Variants in PCDH11X observed in about 807,000 individuals in gnomAD.
PCDH11X encodes the protein protocadherin-11 X-linked.
Under a neutral mutation model 53.3 loss-of-function variants are expected in PCDH11X, and 18 were observed. That is an observed-to-expected ratio of 0.34 (90% CI 0.23 to 0.50). The LOEUF is 0.50. Among genes scored for constraint, PCDH11X ranks in the 20% least tolerant of loss-of-function variants. PCDH11X has a pLI of 0.98. For synonymous variants in PCDH11X, 279 were observed against 393.3 expected (o/e 0.71, Z 3.44); for missense variants, 570 against 1,032.4 (o/e 0.55, Z 6.14).
rs180844434 is a variant in PCDH11X, at chrX:91,942,776, A to C, written c.3033+63503A>C. ...AATCCAAAAGAAAAAAAGAAAACTA[A>C]AGATCAACATCCTTAATGAATATAG... On this transcript the variant is annotated intron_variant, in intron 6 of 10. Transcript: ENST00000682573. 6.5e-3 allele frequency among the ~76,000 whole-genome samples: 726 copies of C among 111,231 alleles called. 5 individuals carry two copies. Among genetic ancestry groups the C allele is most frequent in the African/African-American group, 0.023 (700 of 30,801 alleles).
intron 6 of PCDH11X, among the ~76,000 whole-genome samples, chrX:91,898,863 T>C (rs1315064135): frequency 9.1e-6 from 1 of 110,225 alleles, no homozygotes; most frequent in Non-Finnish European, 1.9e-5. Flanking sequence ...CTATCTAATA[T>C]ATCTACTGTG....
chrX:92,183,775 G>A (rs1020163476), intron 6 of PCDH11X, among the ~76,000 whole-genome samples: 1 of 111,896 alleles, frequency 8.9e-6, no homozygotes, highest in Admixed American at 9.5e-5. Context: ...CAGCAAACAA[G>A]CCCTTATGTC....
At chrX:92,301,186 T>C (rs752896795) in intron 8 of PCDH11X, among the ~76,000 whole-genome samples, 1 of 110,906 alleles carries the variant, frequency 9.0e-6, no homozygotes, top group East Asian at 2.9e-4. Flanking sequence ...GGTCTTCCTG[T>C]GCAGGAGCTA....
intron 7 of PCDH11X, among the ~76,000 whole-genome samples, chrX:92,226,925 GT>G (rs777302631): frequency 2.7e-5 from 3 of 111,806 alleles, no homozygotes; most frequent in Non-Finnish European, 5.6e-5. Flanking sequence ...TGTTTACTTG[GT>G]TTGTTTTTTA....
intron 6 of PCDH11X, among the ~76,000 whole-genome samples, chrX:91,994,669 G>T (rs2062380941): frequency 9.1e-6 from 1 of 109,417 alleles, no homozygotes; most frequent in Non-Finnish European, 1.9e-5. Context: ...CCCAGAAGTG[G>T]GATGGCTGAA....
intron 6 of PCDH11X, among the ~76,000 whole-genome samples, chrX:91,934,855 T>C (rs5984134): frequency 0.035 from 3,720 of 104,832 alleles, 166 homozygotes; most frequent in African/African-American, 0.12. Flanking sequence ...AGCTTGAGTT[T>C]TGTCTTTTCC....
At chrX:92,355,417 CAAAAAAAAAAA>C (rs57339128) in intron 8 of PCDH11X, among the ~76,000 whole-genome samples, 4 of 23,589 alleles carry the variant, frequency 1.7e-4, no homozygotes, top group Middle Eastern at 0.04. Flanking sequence ...GACTCCGTCT[CAAAAAAAAAAA>C]AAAAAAAAAA....
At chrX:91,933,552 G>T (rs2147843531) in intron 6 of PCDH11X, among the ~76,000 whole-genome samples, 1 of 111,113 alleles carries the variant, frequency 9.0e-6, no homozygotes, top group African/African-American at 3.3e-5. Flanking sequence ...GAATTTTAAA[G>T]AAAATTTATT....
At chrX:91,869,047 T>G (rs1470292687) in intron 5 of PCDH11X, among the ~76,000 whole-genome samples, 2 of 111,619 alleles carry the variant, frequency 1.8e-5, no homozygotes, top group Non-Finnish European at 3.8e-5. Flanking sequence ...CACTCAATAT[T>G]TATTCATATT....
intron 6 of PCDH11X, among the ~76,000 whole-genome samples, chrX:91,956,768 G>A (rs1397676812): frequency 9.2e-6 from 1 of 108,372 alleles, no homozygotes; most frequent in East Asian, 2.9e-4. Flanking sequence ...TTTTACTGGG[G>A]TTCTCTGGAT....
chrX:92,213,263 G>C lies in PCDH11X; in HGVS notation c.3114+11808G>C, dbSNP rs776881455. On this transcript the variant is annotated intron_variant, in intron 7 of 10. Transcript: ENST00000682573. ...CATTGTCATTGACCTTTAGCCGTTT[G>C]AGTACTTTGCTTTTAATCATTAGTA... is the stretch of plus-strand genomic sequence containing the variant. Among the ~76,000 whole-genome samples, 6 of 112,001 alleles carry C rather than the reference G, an allele frequency of 5.4e-5. No homozygotes were observed. The South Asian group carries it at 2.2e-3, about 42-fold the overall frequency.
At chrX:92,352,876 C>T (rs1051793593) in intron 8 of PCDH11X, among the ~76,000 whole-genome samples, 10 of 110,484 alleles carry the variant, frequency 9.1e-5, no homozygotes, top group African/African-American at 3.3e-4. Flanking sequence ...CTCCCAGGTC[C>T]TGTAGGAGCA....
intron 8 of PCDH11X, among the ~76,000 whole-genome samples, chrX:92,319,918 A>C (rs1412604422): frequency 4.5e-5 from 5 of 111,795 alleles, no homozygotes; most frequent in Non-Finnish European, 3.8e-5. Flanking sequence ...ACATATCACC[A>C]TTCATTTATA....
At chrX:92,206,909 A>G (rs2148330123) in intron 7 of PCDH11X, among the ~76,000 whole-genome samples, 1 of 111,557 alleles carries the variant, frequency 9.0e-6, no homozygotes, top group African/African-American at 3.3e-5. Context: ...TGAAAAGCCA[A>G]CTATTCAACT....
chrX:91,852,676 G>T (rs1938098233), intron 5 of PCDH11X, among the ~76,000 whole-genome samples: 1 of 111,101 alleles, frequency 9.0e-6, no homozygotes, highest in Admixed American at 9.6e-5. Context: ...TTCCTTGTGG[G>T]GTGGTGTGAG....
At chrX:92,308,735 A>G (rs964508288) in intron 8 of PCDH11X, among the ~76,000 whole-genome samples, 9 of 111,289 alleles carry the variant, frequency 8.1e-5, no homozygotes, top group African/African-American at 2.6e-4. Context: ...TGCAAACCAT[A>G]TATCTCATAA....
intron 7 of PCDH11X, among the ~76,000 whole-genome samples, chrX:92,209,199 A>T (rs2066535251): frequency 8.9e-6 from 1 of 111,817 alleles, no homozygotes; most frequent in Non-Finnish European, 1.9e-5. Context: ...ATGCCTTCCC[A>T]GCAGGCCCCT....
rs747445179 is a variant in PCDH11X at position 92,090,648 on chromosome X, C to G, written c.3034-110727C>G. Among the ~76,000 whole-genome samples the G allele has an allele frequency of 1.7e-4, 19 of 110,496 alleles. No homozygotes were observed. The East Asian group carries it at 5.2e-3, about 30-fold the overall frequency. On this transcript the variant is annotated intron_variant, in intron 6 of 10. Coordinates refer to ENST00000682573, the MANE Select transcript of PCDH11X (RefSeq NM_032968.5). ...TACAGAAGCAAGCATTTCTAACAAACAGAGACAGACTTGAAACAGGCTAGA... is the reference window on the plus strand; with the variant it reads ...TACAGAAGCAAGCATTTCTAACAAAGAGAGACAGACTTGAAACAGGCTAGA...
At chrX:92,435,959 T>G (rs1260567120) in intron 9 of PCDH11X, among the ~76,000 whole-genome samples, 3 of 109,085 alleles carry the variant, frequency 2.8e-5, no homozygotes, top group Admixed American at 9.8e-5. Flanking sequence ...GAATGTAAAT[T>G]GGCTAAATAT....
Sources: gnomAD v4.1 joint callset for allele counts (sites outside exome capture counted in the v4.1 genomes callset) on GRCh38, gnomAD v4.1.1 for gene constraint, MANE v1.5 for transcripts, NCBI Gene and HGNC (gene_info 2026-07-23, HGNC 2026-07-21) for gene names.